The following STK32B variants were observed in gnomAD, a reference collection of about 807,000 sequenced individuals.
STK32B encodes serine/threonine kinase 32B.
In STK32B, 43 loss-of-function variants were observed where a neutral mutation model predicts 52.6. The ratio of observed to expected loss-of-function variants is 0.82; its 90% confidence interval spans 0.64 to 1.05. The LOEUF is 1.05. STK32B is among the 50% of genes least tolerant of loss of function. STK32B has a pLI of 0.00. For missense variants in STK32B, 621 were observed against 534.6 expected (o/e 1.16, Z -1.59); for synonymous variants, 238 against 204.3 (o/e 1.17, Z -1.41).
chr4:5,385,641 T>C (rs1003421838), intron 4 of STK32B, among the ~76,000 whole-genome samples: 16 of 152,034 alleles, frequency 1.1e-4, no homozygotes, highest in African/African-American at 3.9e-4. Context: ...ACAGGTGTGG[T>C]GTGTAACCCT....
At chr4:5,323,567 G>A (rs1469191829) in intron 3 of STK32B, among the ~76,000 whole-genome samples, 2 of 152,178 alleles carry the variant, frequency 1.3e-5, no homozygotes, top group Admixed American at 6.5e-5. Context: ...TGTAGGTAGT[G>A]ACATAAACAG....
chr4:5,446,304 G>C (rs1015015591), intron 6 of STK32B, among the ~76,000 whole-genome samples: 2 of 152,180 alleles, frequency 1.3e-5, no homozygotes, highest in East Asian at 3.9e-4. Flanking sequence ...GATGGCTCAC[G>C]CCTGTAATCC....
intron 11 of STK32B, among the ~76,000 whole-genome samples, chr4:5,480,751 G>C (rs954158220): frequency 1.3e-5 from 2 of 148,632 alleles, no homozygotes; most frequent in Non-Finnish European, 3.0e-5. Context: ...CCCCACAACA[G>C]GCCCCAGTGT....
At chr4:5,367,517 G>T (rs570501358) in intron 4 of STK32B, among the ~76,000 whole-genome samples, 3 of 152,096 alleles carry the variant, frequency 2.0e-5, no homozygotes, top group Admixed American at 1.3e-4. Flanking sequence ...TAGAAAGGAC[G>T]GGTATGTGAA....
At position 5,379,602 on chromosome 4, in the gene STK32B, T is replaced by C. The variant is rs552323521; in HGVS notation, c.435-18605T>C. Among the ~76,000 whole-genome samples the C allele has an allele frequency of 2.0e-5, 3 of 152,232 alleles. No individual in the cohort carries two copies. In the South Asian group the frequency reaches 6.2e-4, roughly 32 times the overall value. ...GGAGATAGGTCTTTACAGAGGTTAT[T>C]AAGTTAAAGTGAGGTCATTAGGATG... On this transcript the variant is annotated intron_variant, in intron 4 of 11. Coordinates refer to ENST00000282908, the MANE Select transcript of STK32B (RefSeq NM_018401.3).
At chr4:5,101,711 G>A (rs954764825) in intron 1 of STK32B, among the ~76,000 whole-genome samples, 1 of 151,728 alleles carries the variant, frequency 6.6e-6, no homozygotes, top group African/African-American at 2.4e-5. Context: ...CCACCCTCTG[G>A]GACTGACTAA....
intron 1 of STK32B, among the ~76,000 whole-genome samples, chr4:5,106,887 T>C (rs988190592): frequency 6.6e-6 from 1 of 152,216 alleles, no homozygotes; most frequent in Non-Finnish European, 1.5e-5. Context: ...AAATTATATG[T>C]AAAGTGTGGA....
intron 7 of STK32B, 148 bp downstream of exon 7, chr4:5,446,924 G>A (rs999027380): frequency 5.8e-5 from 39 of 677,148 alleles, no homozygotes; most frequent in Non-Finnish European, 8.5e-5. Context: ...TGATGCCTGT[G>A]TGCCGCCTAT....
intron 5 of STK32B, among the ~76,000 whole-genome samples, chr4:5,408,354 G>T (rs1737811615): frequency 6.6e-6 from 1 of 151,944 alleles, no homozygotes; most frequent in East Asian, 1.9e-4. Context: ...TTTAAATGCA[G>T]GTAGCACCTA....
At chr4:5,366,604 G>A (rs1346721345) in intron 4 of STK32B, among the ~76,000 whole-genome samples, 1 of 152,224 alleles carries the variant, frequency 6.6e-6, no homozygotes, top group Admixed American at 6.5e-5. Flanking sequence ...CAAGAGGCAC[G>A]GGTGGCCCAG....
rs73794585 is a variant in STK32B, at chr4:5,368,950, G to C, written c.435-29257G>C. On this transcript the variant is annotated intron_variant, in intron 4 of 11. Transcript: ENST00000282908. ...AGATGGCTACTGTCCTCCAGCAGCT[G>C]TCCTTCCCATGGTCTGTAGTATTAG... Among the ~76,000 whole-genome samples the C allele has an allele frequency of 5.7e-3, 874 of 152,256 alleles. 19 individuals carry two copies. Among genetic ancestry groups the C allele is most frequent in the African/African-American group, 0.015 (605 of 41,550 alleles).
At chr4:5,461,752 T>C (rs1717043265) in intron 9 of STK32B, among the ~76,000 whole-genome samples, 1 of 152,222 alleles carries the variant, frequency 6.6e-6, no homozygotes, top group South Asian at 2.1e-4. Context: ...CGCACAGGGC[T>C]TCGTCCTTCA....
chr4:5,185,889 C>A (rs1720702697), intron 3 of STK32B, among the ~76,000 whole-genome samples: 1 of 152,264 alleles, frequency 6.6e-6, no homozygotes, highest in South Asian at 2.1e-4. Context: ...CCCCTACTAC[C>A]ATCTTGGGCC....
chr4:5,267,697 C>G (rs1340987769), intron 3 of STK32B, among the ~76,000 whole-genome samples: 1 of 152,094 alleles, frequency 6.6e-6, no homozygotes, highest in African/African-American at 2.4e-5. Flanking sequence ...GTCTCACAGC[C>G]AAAGAGTAGA....
intron 6 of STK32B, among the ~76,000 whole-genome samples, chr4:5,424,700 G>T (rs1297938474): frequency 6.6e-6 from 1 of 152,226 alleles, no homozygotes; most frequent in African/African-American, 2.4e-5. Flanking sequence ...AGTTGTCCAT[G>T]TACCTCATTC....
intron 2 of STK32B, chr4:5,140,440 A>AT (rs796590971): frequency 0.017 from 7,595 of 435,576 alleles, 8 homozygotes; most frequent in South Asian, 0.034. Flanking sequence ...ATACTCAGAA[A>AT]TTTTTTTTTT....
chr4:5,484,163 G>C (rs943507277), intron 11 of STK32B, among the ~76,000 whole-genome samples: 2 of 152,132 alleles, frequency 1.3e-5, no homozygotes, highest in Admixed American at 6.5e-5. Context: ...GTGTCTCATT[G>C]ATCTGTCTAA....
intron 3 of STK32B, among the ~76,000 whole-genome samples, chr4:5,283,496 G>A (rs938540993): frequency 6.6e-6 from 1 of 152,068 alleles, no homozygotes; most frequent in African/African-American, 2.4e-5. Context: ...GAAGCTCAGA[G>A]GTTGCCAGTC....
intron 1 of STK32B, among the ~76,000 whole-genome samples, chr4:5,062,808 A>G (rs1034972107): frequency 6.6e-6 from 1 of 151,976 alleles, no homozygotes; most frequent in Non-Finnish European, 1.5e-5. Flanking sequence ...ATGCCTGGAC[A>G]GTTTTTATTG....
Sources: gnomAD v4.1 joint callset for allele counts (sites outside exome capture counted in the v4.1 genomes callset) on GRCh38, gnomAD v4.1.1 for gene constraint, MANE v1.5 for transcripts, NCBI Gene and HGNC (gene_info 2026-07-23, HGNC 2026-07-21) for gene names.